Variants in ELMO1 observed in about 807,000 individuals in gnomAD.
ELMO1 encodes the protein engulfment and cell motility protein 1.
Under a neutral mutation model 98.9 loss-of-function variants are expected in ELMO1, and 26 were observed. The observed-to-expected ratio is 0.26, with a 90% CI of 0.19 to 0.36. The LOEUF (loss-of-function observed/expected upper bound fraction) is 0.36. ELMO1 is among the 10% of genes least tolerant of loss of function. The pLI, the probability that ELMO1 is intolerant of heterozygous loss-of-function variation, is 1.00. For synonymous variants in ELMO1, 346 were observed against 346.0 expected (o/e 1.00, Z 0.00); for missense variants, 627 against 935.2 (o/e 0.67, Z 4.30).
intron 1 of ELMO1, among the ~76,000 whole-genome samples, chr7:37,372,933 T>C (rs546757334): frequency 6.6e-6 from 1 of 152,190 alleles, no homozygotes; most frequent in South Asian, 2.1e-4. Flanking sequence ...CTCTTAATGA[T>C]GGTAAATGAA....
chr7:37,422,430 C>G (rs954507002), intron 1 of ELMO1, among the ~76,000 whole-genome samples: 1 of 152,158 alleles, frequency 6.6e-6, no homozygotes, highest in Non-Finnish European at 1.5e-5. Flanking sequence ...TCGCTTTGGC[C>G]TAAGGGACCT....
intron 14 of ELMO1, among the ~76,000 whole-genome samples, chr7:37,118,964 A>C (rs373840440): frequency 1.1e-3 from 175 of 152,338 alleles, no homozygotes; most frequent in South Asian, 6.8e-3. Context: ...CAATGGACAC[A>C]TATTATCTGG....
chr7:37,312,145 T>G (rs1484404563), intron 4 of ELMO1, among the ~76,000 whole-genome samples: 1 of 152,226 alleles, frequency 6.6e-6, no homozygotes, highest in African/African-American at 2.4e-5. Context: ...TAGGCTGGAG[T>G]GCAGTGGTAC....
intron 15 of ELMO1, among the ~76,000 whole-genome samples, chr7:37,040,022 G>A (rs748466055): frequency 3.3e-5 from 5 of 152,152 alleles, no homozygotes; most frequent in Non-Finnish European, 7.3e-5. Flanking sequence ...CTGTGATAAT[G>A]TAAATGTTTG....
At chr7:37,183,537 C>T (rs938743716) in intron 13 of ELMO1, among the ~76,000 whole-genome samples, 2 of 130,700 alleles carry the variant, frequency 1.5e-5, no homozygotes, top group East Asian at 2.2e-4. Flanking sequence ...AAAAGCTGAC[C>T]TCCTGTTACT....
chr7:37,156,757 A>AT (rs1434090328), intron 13 of ELMO1, among the ~76,000 whole-genome samples: 12 of 152,336 alleles, frequency 7.9e-5, no homozygotes, highest in South Asian at 2.1e-4. Flanking sequence ...AGCTGGTACC[A>AT]TTTTTTCTGA....
intron 16 of ELMO1, among the ~76,000 whole-genome samples, chr7:36,902,518 G>A (rs1235245055): frequency 6.6e-6 from 1 of 152,186 alleles, no homozygotes; most frequent in Non-Finnish European, 1.5e-5. Flanking sequence ...AGCTTACGGG[G>A]CATCACATCA....
chr7:37,080,047 C>G (rs1208204734), intron 15 of ELMO1, among the ~76,000 whole-genome samples: 4 of 152,188 alleles, frequency 2.6e-5, no homozygotes, highest in Non-Finnish European at 4.4e-5. Flanking sequence ...CTATGCCCCT[C>G]CATCAATTTC....
intron 15 of ELMO1, among the ~76,000 whole-genome samples, chr7:37,041,704 A>G (rs1453563178): frequency 6.6e-6 from 1 of 152,162 alleles, no homozygotes; most frequent in Non-Finnish European, 1.5e-5. Flanking sequence ...GAATGAAGAT[A>G]TGAGGATCAA....
chr7:37,365,770 C>G lies in ELMO1; in HGVS notation c.-73-23007G>C, dbSNP rs890614412. Among the ~76,000 whole-genome samples the G allele has an allele frequency of 2.6e-5, 4 of 152,186 alleles. No individual in the cohort carries two copies. In the East Asian group the frequency reaches 7.7e-4, roughly 29 times the overall value. On this transcript the variant is annotated intron_variant, in intron 1 of 21. Transcript: ENST00000310758. ...TCAGTCACTTAAACAATTATTCCAACTCACTATTTACTTTTTCGAGGCAGA... is the reference window on the plus strand; with the variant it reads ...TCAGTCACTTAAACAATTATTCCAAGTCACTATTTACTTTTTCGAGGCAGA...
intron 13 of ELMO1, among the ~76,000 whole-genome samples, chr7:37,208,208 G>A (rs1792748449): frequency 6.6e-6 from 1 of 152,212 alleles, no homozygotes; most frequent in South Asian, 2.1e-4. Context: ...CTAGTCGCTG[G>A]TAGACGGTCC....
intron 15 of ELMO1, among the ~76,000 whole-genome samples, chr7:37,021,139 T>C (rs530256687): frequency 6.6e-5 from 10 of 152,276 alleles, no homozygotes; most frequent in Admixed American, 3.9e-4. Flanking sequence ...ATGCTAAAAG[T>C]TCAGAACCTT....
chr7:37,219,902 G>A (rs776321489), intron 10 of ELMO1, among the ~76,000 whole-genome samples: 5 of 152,148 alleles, frequency 3.3e-5, no homozygotes, highest in African/African-American at 7.2e-5. Flanking sequence ...GGCTGACTTT[G>A]GTCAATTTTC....
intron 16 of ELMO1, among the ~76,000 whole-genome samples, chr7:36,912,767 C>T (rs189095838): frequency 5.2e-4 from 79 of 152,282 alleles, no homozygotes; most frequent in African/African-American, 1.8e-3. Flanking sequence ...ACCTCTGAGC[C>T]TTAATTTCCT....
chr7:37,224,176 A>C (rs1277515930), intron 9 of ELMO1, among the ~76,000 whole-genome samples: 1 of 152,198 alleles, frequency 6.6e-6, no homozygotes, highest in African/African-American at 2.4e-5. Context: ...CATAATGTTT[A>C]TTATCACTGC....
chr7:37,413,147 T>A (rs1320009350), intron 1 of ELMO1, among the ~76,000 whole-genome samples: 1 of 151,998 alleles, frequency 6.6e-6, no homozygotes, highest in Non-Finnish European at 1.5e-5. Flanking sequence ...TTGTTTTTTT[T>A]AATTTTAACT....
rs1054525903 is a variant in ELMO1 at position 37,104,309 on chromosome 7, GAAAAAAAA to G, written c.1192-7590_1192-7583del. Among the ~76,000 whole-genome samples, 6 of 138,628 alleles carry G rather than the reference GAAAAAAAA, an allele frequency of 4.3e-5. No individual in the cohort carries two copies. The South Asian group carries it at 1.4e-3, about 31-fold the overall frequency. The allele number at this position is 138,628 out of a possible 152,430, so 90.9% of individuals were successfully genotyped here. A position where few individuals can be genotyped will look rare whatever the true frequency, so the allele number is the denominator to read the frequency against. On this transcript the variant is annotated intron_variant, in intron 14 of 21. Coordinates refer to ENST00000310758, the MANE Select transcript of ELMO1 (RefSeq NM_014800.11). ...CTGCAAAATAAAGCATTCTCAGAAT[GAAAAAAAA>G]AAAAGAAAAGTGGTTCTAACTTTAA...
At chr7:37,130,303 G>A (rs1178439106) in intron 14 of ELMO1, among the ~76,000 whole-genome samples, 1 of 152,138 alleles carries the variant, frequency 6.6e-6, no homozygotes, top group Non-Finnish European at 1.5e-5. Context: ...CCATCCTTTG[G>A]CTCATGGCTG....
At chr7:37,298,034 T>C (rs1798135830) in intron 4 of ELMO1, among the ~76,000 whole-genome samples, 1 of 152,194 alleles carries the variant, frequency 6.6e-6, no homozygotes, top group Admixed American at 6.5e-5. Context: ...TATGTCTCAA[T>C]ATGCCTAATC....
Sources: allele counts gnomAD v4.1 joint callset (sites outside exome capture counted in the v4.1 genomes callset), GRCh38; gene constraint gnomAD v4.1.1; transcripts MANE v1.5; gene names NCBI Gene and HGNC (gene_info 2026-07-23, HGNC 2026-07-21).